The following TCF7L1 variants were observed in gnomAD, a reference collection of about 807,000 sequenced individuals.
The protein encoded by TCF7L1 is transcription factor 7 like 1, also known as transcription factor 7-like 1.
A neutral mutation model predicts 63.7 loss-of-function variants in TCF7L1; 18 were observed. That is an observed-to-expected ratio of 0.28 (90% CI 0.20 to 0.42). The LOEUF is 0.42. Ranked by LOEUF, TCF7L1 falls within the 10% of genes least tolerant of loss-of-function variation. The pLI, the probability that TCF7L1 is intolerant of heterozygous loss-of-function variation, is 1.00. For synonymous variants in TCF7L1, 355 were observed against 340.9 expected (o/e 1.04, Z -0.46); for missense variants, 654 against 779.3 (o/e 0.84, Z 1.91).
chr2:85,222,498 G>C (rs578102476), intron 3 of TCF7L1, among the ~76,000 whole-genome samples: 1 of 151,388 alleles, frequency 6.6e-6, no homozygotes, highest in Admixed American at 6.6e-5. Context: ...TGAAATCCCT[G>C]TCTCCACCAA....
intron 11 of TCF7L1, among the ~76,000 whole-genome samples, chr2:85,308,382 A>ACCTTCCCTCCCATTCT (rs1682172771): frequency 2.8e-5 from 1 of 35,474 alleles, no homozygotes; most frequent in Admixed American, 2.8e-4. Flanking sequence ...CCTCCCTTTC[A>ACCTTCCCTCCCATTCT]CCTTCCCTCC....
intron 3 of TCF7L1, among the ~76,000 whole-genome samples, chr2:85,169,660 C>T (rs1025179522): frequency 5.3e-5 from 8 of 152,094 alleles, no homozygotes; most frequent in Non-Finnish European, 8.8e-5. Flanking sequence ...CCCTAGCCAA[C>T]GGGAGGGGAG....
chr2:85,298,177 G>A (rs1387642994), intron 4 of TCF7L1, among the ~76,000 whole-genome samples: 3 of 53,800 alleles, frequency 5.6e-5, no homozygotes, highest in East Asian at 1.7e-3. Flanking sequence ...GGGTGACAGA[G>A]TGAGACTCCA....
At chr2:85,166,136 C>T (rs901811981) in intron 3 of TCF7L1, among the ~76,000 whole-genome samples, 1 of 152,210 alleles carries the variant, frequency 6.6e-6, no homozygotes, top group Admixed American at 6.5e-5. Flanking sequence ...GTAACATCTG[C>T]CTCCTGAGTC....
rs1679008463 is a variant in TCF7L1 at position 85,189,925 on chromosome 2, G to A, written c.441+55475G>A. Among the ~76,000 whole-genome samples the A allele has an allele frequency of 2.6e-5, 4 of 152,354 alleles. No homozygotes were observed. In the South Asian group the frequency reaches 8.3e-4, roughly 32 times the overall value. ...GGAATGACACTGGACAGCCACTTGG[G>A]GTTCATTCATTCTGTGCACTTGGAG... On this transcript the variant is annotated intron_variant, in intron 3 of 11. Transcript: ENST00000282111.
At chr2:85,147,486 G>A (rs1677908475) in intron 3 of TCF7L1, among the ~76,000 whole-genome samples, 1 of 152,112 alleles carries the variant, frequency 6.6e-6, no homozygotes, top group African/African-American at 2.4e-5. Context: ...GTGGAGATGG[G>A]GAGAGGAGGA....
intron 3 of TCF7L1, among the ~76,000 whole-genome samples, chr2:85,282,794 TTGTGTGTGTGTGTGTG>T (rs59628868): frequency 1.8e-4 from 22 of 119,228 alleles, no homozygotes; most frequent in South Asian, 5.9e-4. Context: ...GAGAGAGAGA[TTGTGTGTGTGTGTGTG>T]TGTGTGTGTG....
At chr2:85,275,525 T>A (rs913945291) in intron 3 of TCF7L1, among the ~76,000 whole-genome samples, 1 of 152,232 alleles carries the variant, frequency 6.6e-6, no homozygotes, top group Non-Finnish European at 1.5e-5. Context: ...TATGAAATGC[T>A]TTTGGAGCCC....
chr2:85,269,509 C>T (rs962625130), intron 3 of TCF7L1, among the ~76,000 whole-genome samples: 1 of 152,158 alleles, frequency 6.6e-6, no homozygotes, highest in South Asian at 2.1e-4. Context: ...TTTGTAGAGA[C>T]AGGGTTTCAC....
rs147305031 is a variant in TCF7L1, at chr2:85,268,759, C to T, written c.442-14736C>T. Among the ~76,000 whole-genome samples, 171 of 105,192 alleles carry T rather than the reference C, an allele frequency of 1.6e-3. 1 individual carries two copies. Among genetic ancestry groups the T allele is most frequent in the African/African-American group, 4.7e-3 (154 of 32,518 alleles). 69.0% of individuals were successfully genotyped at this position (105,192 alleles called of 152,430 possible). A position where few individuals can be genotyped will look rare whatever the true frequency, so the allele number is the denominator to read the frequency against. ...GCCCAGCCTGGATGCCTTTCTGAAG[C>T]GGCAGGTTAAAAAAAAAAAAAAAAA... On this transcript the variant is annotated intron_variant, in intron 3 of 11. Transcript: ENST00000282111.
intron 3 of TCF7L1, among the ~76,000 whole-genome samples, chr2:85,268,804 A>G (rs1681073652): frequency 6.6e-6 from 1 of 151,804 alleles, no homozygotes; most frequent in African/African-American, 2.4e-5. Context: ...CCTATCCCCA[A>G]AGAGCTTAGG....
Position 85,303,983 on chromosome 2 carries a change from C to T in TCF7L1, c.747C>T (p.Gly249=). 1 of 1,605,980 alleles carries T rather than the reference C, an allele frequency of 6.2e-7. No individual in the cohort carries two copies. The highest frequency in any genetic ancestry group is 8.5e-7 in the Non-Finnish European group (1 of 1,176,410). Reference sequence around the variant, plus strand: ...TCGGACAAATCCCCCACCCCCTCGGCTGGCTCGTCCCACAGTAAGGAACCC... The same window carrying T: ...TCGGACAAATCCCCCACCCCCTCGGTTGGCTCGTCCCACAGTAAGGAACCC... ...GAVGQIPHPL[G]WLVPQQGQPM... is the part of the protein sequence containing the mutation. The change falls in exon 6 of 12, where the codon GGC becomes GGT. Residue 249 remains glycine (G), a synonymous_variant. Coordinates refer to ENST00000282111, the MANE Select transcript of TCF7L1 (RefSeq NM_031283.3).
intron 3 of TCF7L1, among the ~76,000 whole-genome samples, chr2:85,173,462 G>A (rs115684026): frequency 0.031 from 4,728 of 152,264 alleles, 118 homozygotes; most frequent in Middle Eastern, 0.051. Context: ...GAGGAGGGGC[G>A]CATGATTTTG....
intron 3 of TCF7L1, among the ~76,000 whole-genome samples, chr2:85,263,738 C>G (rs1450357916): frequency 6.6e-6 from 1 of 152,202 alleles, no homozygotes; most frequent in Admixed American, 6.6e-5. Flanking sequence ...AGGAGGAAGG[C>G]TGGAGCCAGC....
intron 3 of TCF7L1, among the ~76,000 whole-genome samples, chr2:85,215,332 A>C (rs892597382): frequency 2.0e-5 from 3 of 152,228 alleles, no homozygotes; most frequent in African/African-American, 4.8e-5. Flanking sequence ...TGTCACCACT[A>C]TCACGAAATT....
chr2:85,304,462 T>A, intron 7 of TCF7L1, 124 bp downstream of exon 7: 1 of 920,028 alleles, frequency 1.1e-6, no homozygotes, highest in Non-Finnish European at 1.6e-6. Context: ...CCCACCTCTC[T>A]TTGATCAAGC....
chr2:85,297,554 A>G (rs1163682203), intron 4 of TCF7L1, among the ~76,000 whole-genome samples: 2 of 152,206 alleles, frequency 1.3e-5, no homozygotes, highest in Admixed American at 6.5e-5. Context: ...GGCCAGGCGC[A>G]GTGCCTCACA....
chr2:85,143,223 T>C (rs1677787994), intron 3 of TCF7L1, among the ~76,000 whole-genome samples: 1 of 152,316 alleles, frequency 6.6e-6, no homozygotes, highest in African/African-American at 2.4e-5. Context: ...TTCACCCTAA[T>C]TGTAGAAAAT....
At chr2:85,204,956 T>C (rs567454807) in intron 3 of TCF7L1, 6 of 151,282 alleles carry the variant, frequency 4.0e-5, no homozygotes, top group African/African-American at 1.2e-4. Flanking sequence ...TAAACTAAAA[T>C]TGGAACAGTA....
Sources: gnomAD v4.1 joint callset for allele counts (sites outside exome capture counted in the v4.1 genomes callset) on GRCh38, gnomAD v4.1.1 for gene constraint, MANE v1.5 for transcripts, NCBI Gene and HGNC (gene_info 2026-07-23, HGNC 2026-07-21) for gene names.